Variants in GALNT17 observed in about 807,000 individuals in gnomAD.
The protein encoded by GALNT17 is UDP-GalNAc:polypeptide N-acetylgalactosaminyltransferase-like 3.
In GALNT17, 29 loss-of-function variants were observed where a neutral mutation model predicts 63.7. The ratio of observed to expected loss-of-function variants is 0.46; its 90% confidence interval spans 0.34 to 0.62. GALNT17 has a LOEUF of 0.62. Among genes scored for constraint, GALNT17 ranks in the 20% least tolerant of loss-of-function variants. The pLI is 0.01. For synonymous variants in GALNT17, 305 were observed against 318.3 expected (o/e 0.96, Z 0.45); for missense variants, 603 against 799.6 (o/e 0.75, Z 2.97).
chr7:71,464,540 A>G (rs1261832898), intron 5 of GALNT17, among the ~76,000 whole-genome samples: 2 of 152,168 alleles, frequency 1.3e-5, no homozygotes, highest in Non-Finnish European at 2.9e-5. Context: ...AGAAGCTGTC[A>G]TACTGTCCCC....
Position 71,634,486 on chromosome 7 carries a change from G to A in GALNT17, c.1081-30925G>A, listed in dbSNP as rs548992425. Among the ~76,000 whole-genome samples, 102 of 152,290 alleles carry A rather than the reference G, an allele frequency of 6.7e-4. 1 individual carries two copies. The highest frequency in any genetic ancestry group is 2.4e-3 in the African/African-American group (100 of 41,564). On this transcript the variant is annotated intron_variant, in intron 6 of 10. Transcript: ENST00000333538. Reference sequence around the variant, plus strand: ...TAAGAAATATAAGCCAGGCACGGTGGCTCACGCCTGTAATCCCAGAACTTC... The same window carrying A: ...TAAGAAATATAAGCCAGGCACGGTGACTCACGCCTGTAATCCCAGAACTTC...
chr7:71,620,431 C>T (rs767732783), intron 6 of GALNT17, among the ~76,000 whole-genome samples: 1 of 152,138 alleles, frequency 6.6e-6, no homozygotes, highest in African/African-American at 2.4e-5. Flanking sequence ...GAGCTATGAT[C>T]ATGCCACTGC....
chr7:71,677,970 TC>T (rs572059715), intron 9 of GALNT17, among the ~76,000 whole-genome samples: 5 of 152,198 alleles, frequency 3.3e-5, no homozygotes, highest in Non-Finnish European at 7.4e-5. Context: ...AGGTTACTGT[TC>T]AAATCCTCAG....
At chr7:71,444,915 G>A (rs1177012116) in intron 5 of GALNT17, among the ~76,000 whole-genome samples, 3 of 152,314 alleles carry the variant, frequency 2.0e-5, no homozygotes, top group Non-Finnish European at 2.9e-5. Flanking sequence ...CCAGGAGAAC[G>A]CAGGCTTTGA....
chr7:71,335,164 C>G (rs1173865089), intron 1 of GALNT17, among the ~76,000 whole-genome samples: 1 of 152,126 alleles, frequency 6.6e-6, no homozygotes, highest in African/African-American at 2.4e-5. Flanking sequence ...CAGAGTCTTG[C>G]TCTATTGCCC....
intron 6 of GALNT17, among the ~76,000 whole-genome samples, chr7:71,594,069 T>C (rs546365627): frequency 6.6e-6 from 1 of 152,048 alleles, no homozygotes; most frequent in African/African-American, 2.4e-5. Flanking sequence ...CAAGTTCTCC[T>C]TTTTTTGCTC....
chr7:71,549,336 G>A (rs1789036928), intron 5 of GALNT17, among the ~76,000 whole-genome samples: 1 of 152,166 alleles, frequency 6.6e-6, no homozygotes, highest in African/African-American at 2.4e-5. Flanking sequence ...GGAGGCCTAA[G>A]GTGGGAAGCT....
At chr7:71,157,614 C>T (rs1335674040) in intron 1 of GALNT17, among the ~76,000 whole-genome samples, 1 of 151,744 alleles carries the variant, frequency 6.6e-6, no homozygotes, top group Non-Finnish European at 1.5e-5. Context: ...GCCGAGATTG[C>T]GCCACTGCTT....
At chr7:71,710,667 C>A (rs1471173376) in intron 9 of GALNT17, 94 bp from the exon 10 acceptor site, 15 of 1,413,068 alleles carry the variant, frequency 1.1e-5, no homozygotes, top group Non-Finnish European at 1.4e-5. Context: ...TGACAAACAG[C>A]AGGAGTAAAG....
At chr7:71,371,109 T>C (rs1055018447) in intron 2 of GALNT17, among the ~76,000 whole-genome samples, 13 of 152,222 alleles carry the variant, frequency 8.5e-5, no homozygotes, top group African/African-American at 2.9e-4. Flanking sequence ...GACTGTGGCA[T>C]CAGTGGGCAA....
At chr7:71,266,428 C>T (rs1449472316) in intron 1 of GALNT17, among the ~76,000 whole-genome samples, 1 of 152,160 alleles carries the variant, frequency 6.6e-6, no homozygotes, top group Non-Finnish European at 1.5e-5. Context: ...TTTGCTTTCT[C>T]TATCTCTCTC....
At chr7:71,256,180 C>T (rs192184188) in intron 1 of GALNT17, among the ~76,000 whole-genome samples, 33 of 152,276 alleles carry the variant, frequency 2.2e-4, no homozygotes, top group South Asian at 6.2e-4. Flanking sequence ...GCCTGTGACC[C>T]GCAAGCCCCC....
At chr7:71,665,327 C>A (rs1790967582) in intron 6 of GALNT17, 84 bp from the exon 7 acceptor site, 7 of 1,398,054 alleles carry the variant, frequency 5.0e-6, no homozygotes, top group Non-Finnish European at 6.8e-6. Flanking sequence ...GCAAAGTCAG[C>A]TGAACCATTG....
intron 1 of GALNT17, among the ~76,000 whole-genome samples, chr7:71,153,421 G>T (rs957599366): frequency 2.0e-5 from 3 of 152,134 alleles, no homozygotes; most frequent in African/African-American, 7.2e-5. Flanking sequence ...TCAGTTTTCT[G>T]CCCTGTAAAA....
intron 1 of GALNT17, among the ~76,000 whole-genome samples, chr7:71,265,604 C>G (rs1790479298): frequency 6.6e-6 from 1 of 152,118 alleles, no homozygotes; most frequent in African/African-American, 2.4e-5. Flanking sequence ...CAGAGATTTT[C>G]TTGGCAGAGA....
intron 5 of GALNT17, among the ~76,000 whole-genome samples, chr7:71,517,788 A>G (rs7796112): frequency 0.79 from 120,744 of 152,132 alleles, 49,437 homozygotes; most frequent in Non-Finnish European, 0.9. Flanking sequence ...TACACACTAC[A>G]GTAGGGAGAT....
At chr7:71,500,245 TTAA>T (rs1234304347) in intron 5 of GALNT17, among the ~76,000 whole-genome samples, 2 of 152,276 alleles carry the variant, frequency 1.3e-5, no homozygotes, top group African/African-American at 4.8e-5. Context: ...TGAATGACTA[TTAA>T]TGTCTATTCT....
intron 5 of GALNT17, among the ~76,000 whole-genome samples, chr7:71,499,693 A>G (rs778653160): frequency 1.1e-4 from 16 of 152,160 alleles, no homozygotes; most frequent in East Asian, 3.9e-4. Context: ...CTCTTCATCT[A>G]TACAGATTTT....
At chr7:71,550,776 TA>T (rs1164978932) in intron 5 of GALNT17, among the ~76,000 whole-genome samples, 2 of 152,232 alleles carry the variant, frequency 1.3e-5, no homozygotes, top group African/African-American at 4.8e-5. Context: ...CCAATTGATA[TA>T]AATTTAGAAG....
Sources: allele counts gnomAD v4.1 joint callset (sites outside exome capture counted in the v4.1 genomes callset), GRCh38; gene constraint gnomAD v4.1.1; transcripts MANE v1.5; gene names NCBI Gene and HGNC (gene_info 2026-07-23, HGNC 2026-07-21).